Variants in ANGPT1 observed in about 807,000 individuals in gnomAD.
The protein encoded by ANGPT1 is angiopoietin-1.
ANGPT1 carries 17 observed loss-of-function variants against 62.2 expected under a neutral mutation model. The ratio of observed to expected loss-of-function variants is 0.27; its 90% CI spans 0.19 to 0.41. ANGPT1 has a LOEUF of 0.41. ANGPT1 is among the 10% of genes least tolerant of loss of function. The pLI is 1.00. For missense variants in ANGPT1, 478 were observed against 594.9 expected, an observed-to-expected ratio of 0.80 and a Z score of 2.04; for synonymous variants, 199 against 198.9, an observed-to-expected ratio of 1.00 and a Z score of 0.00.
At chr8:107,264,808 G>A (rs1813575946) in intron 7 of ANGPT1, among the ~76,000 whole-genome samples, 1 of 152,084 alleles carries the variant, frequency 6.6e-6, no homozygotes, top group Non-Finnish European at 1.5e-5. Flanking sequence ...GTGTTTATTT[G>A]ATTAAATTTT....
chr8:107,299,145 C>T (rs1170873000), intron 5 of ANGPT1, among the ~76,000 whole-genome samples: 1 of 151,192 alleles, frequency 6.6e-6, no homozygotes, highest in African/African-American at 2.4e-5. Context: ...CATGTGTTTA[C>T]CACCCCATGG....
At chr8:107,302,000 G>C (rs150474317) in intron 5 of ANGPT1, among the ~76,000 whole-genome samples, 112 of 151,994 alleles carry the variant, frequency 7.4e-4, no homozygotes, top group Admixed American at 1.2e-3. Flanking sequence ...CAATCAGGAA[G>C]ACTAAGTAAG....
At chr8:107,389,389 A>T (rs923627724) in intron 1 of ANGPT1, among the ~76,000 whole-genome samples, 1 of 152,152 alleles carries the variant, frequency 6.6e-6, no homozygotes, top group African/African-American at 2.4e-5. Context: ...CCAAAGTTAG[A>T]TTAGCCTGGG....
chr8:107,266,856 A>G (rs1301223127), intron 7 of ANGPT1, among the ~76,000 whole-genome samples: 1 of 152,136 alleles, frequency 6.6e-6, no homozygotes, highest in South Asian at 2.1e-4. Context: ...AAGATTTACA[A>G]TCTAAGTCTC....
chr8:107,462,770 G>A lies in ANGPT1; in HGVS notation c.297+34492C>T, dbSNP rs543133521. On this transcript the variant is annotated intron_variant, in intron 1 of 8. Transcript: ENST00000517746. ...TTTACAATCTGTAAACTCACAGCAAGCAGAAAACAACCGACTAACCAACCA... is the reference window on the plus strand; with the variant it reads ...TTTACAATCTGTAAACTCACAGCAAACAGAAAACAACCGACTAACCAACCA... 5.3e-5 allele frequency among the ~76,000 whole-genome samples: 8 copies of A among 152,106 alleles called. No homozygotes were observed. The South Asian group carries it at 1.7e-3, about 32-fold the overall frequency.
intron 7 of ANGPT1, among the ~76,000 whole-genome samples, chr8:107,267,288 A>G (rs1813635655): frequency 6.6e-6 from 1 of 152,090 alleles, no homozygotes. Flanking sequence ...TTTTTTCTCT[A>G]AAATCATTTG....
At chr8:107,357,678 T>A (rs116482794) in intron 1 of ANGPT1, among the ~76,000 whole-genome samples, 1 of 152,300 alleles carries the variant, frequency 6.6e-6, no homozygotes, top group South Asian at 2.1e-4. Context: ...AGAAATCTTC[T>A]GCATTCAATG....
chr8:107,295,503 G>A (rs1814391797), intron 5 of ANGPT1: 1 of 152,024 alleles, frequency 6.6e-6, no homozygotes, highest in African/African-American at 2.4e-5. Flanking sequence ...AATAAAATAT[G>A]GGTCAGGTAC....
At chr8:107,423,346 A>C (rs1810943328) in intron 1 of ANGPT1, among the ~76,000 whole-genome samples, 1 of 152,194 alleles carries the variant, frequency 6.6e-6, no homozygotes, top group Non-Finnish European at 1.5e-5. Context: ...CTGAGGACTT[A>C]TAGCTGTACC....
At chr8:107,311,875 TA>T (rs1439826715) in intron 4 of ANGPT1, among the ~76,000 whole-genome samples, 2 of 151,930 alleles carry the variant, frequency 1.3e-5, no homozygotes, top group Admixed American at 1.3e-4. Context: ...CCATCCTGGC[TA>T]AAATGGTGAA....
chr8:107,461,226 T>C (rs954269314), intron 1 of ANGPT1, among the ~76,000 whole-genome samples: 2 of 152,122 alleles, frequency 1.3e-5, no homozygotes, highest in Non-Finnish European at 2.9e-5. Flanking sequence ...TTTCTCTACT[T>C]AGGAGCATTT....
In ANGPT1 at chr8:107,284,674, T is replaced by C. The variant is rs777414336; in HGVS notation, c.1205+8A>G. On this transcript the variant is annotated splice_region_variant and intron_variant, in intron 7 of 8. Transcript: ENST00000517746. ...GGTAGTCGAACACTACACTGTAGCA[T>C]GACTTACCTATAGTTTTGCTTTTCA... The C allele has an allele frequency of 6.4e-7, 1 of 1,565,924 alleles. No individual in the cohort carries two copies. The highest frequency in any genetic ancestry group is 1.2e-5 in the South Asian group (1 of 81,574).
At chr8:107,355,757 T>A (rs906617527) in intron 1 of ANGPT1, among the ~76,000 whole-genome samples, 2 of 152,188 alleles carry the variant, frequency 1.3e-5, no homozygotes, top group Admixed American at 6.5e-5. Flanking sequence ...ATCTTCTCTC[T>A]GTAATACCCT....
intron 5 of ANGPT1, among the ~76,000 whole-genome samples, chr8:107,297,303 T>C (rs1289898878): frequency 1.3e-5 from 2 of 152,004 alleles, no homozygotes; most frequent in South Asian, 2.1e-4. Flanking sequence ...ACACCTTGGT[T>C]AATAGCGCCA....
intron 1 of ANGPT1, among the ~76,000 whole-genome samples, chr8:107,446,285 A>C (rs547414461): frequency 1.3e-5 from 2 of 152,228 alleles, no homozygotes; most frequent in African/African-American, 4.8e-5. Context: ...AGTATTTGTC[A>C]GATTTTTATA....
rs187552482 is a variant in ANGPT1, at chr8:107,280,299, C to G, written c.1205+4383G>C. Among the ~76,000 whole-genome samples the G allele has an allele frequency of 2.6e-3, 402 of 151,952 alleles. 1 individual carries two copies. The highest frequency in any genetic ancestry group is 9.3e-3 in the African/African-American group (384 of 41,430). ...CACTACAACCTCCACCTCCGGGGTTCAAGTGATTCTCTTGTCTCAGCGTCC... is the reference window on the plus strand; with the variant it reads ...CACTACAACCTCCACCTCCGGGGTTGAAGTGATTCTCTTGTCTCAGCGTCC... On this transcript the variant is annotated intron_variant, in intron 7 of 8. Coordinates refer to ENST00000517746, the MANE Select transcript of ANGPT1 (RefSeq NM_001146.5).
chr8:107,341,254 A>G (rs1267058997), intron 2 of ANGPT1, among the ~76,000 whole-genome samples: 1 of 152,168 alleles, frequency 6.6e-6, no homozygotes, highest in Admixed American at 6.5e-5. Flanking sequence ...CAGTCTTTAG[A>G]CTCAACTTCC....
At chr8:107,295,954 T>A (rs1486556454) in intron 5 of ANGPT1, among the ~76,000 whole-genome samples, 3 of 152,054 alleles carry the variant, frequency 2.0e-5, no homozygotes, top group African/African-American at 2.4e-5. Context: ...ATTTTACAGA[T>A]GAAAAAATAC....
chr8:107,328,776 C>T (rs1256121808), intron 3 of ANGPT1, among the ~76,000 whole-genome samples: 3 of 151,852 alleles, frequency 2.0e-5, no homozygotes, highest in Non-Finnish European at 4.4e-5. Flanking sequence ...AATTAGATGG[C>T]TAGCAAAGTT....
Sources: gnomAD v4.1 joint callset for allele counts (sites outside exome capture counted in the v4.1 genomes callset) on GRCh38, gnomAD v4.1.1 for gene constraint, MANE v1.5 for transcripts, NCBI Gene and HGNC (gene_info 2026-07-23, HGNC 2026-07-21) for gene names.